The following XXYLT1 variants were observed in gnomAD, a reference collection of about 807,000 sequenced individuals.
XXYLT1 encodes xyloside xylosyltransferase 1, also known as UDP-xylose:alpha-xyloside alpha-1,3-xylosyltransferase.
A neutral mutation model predicts 28.9 loss-of-function variants in XXYLT1; 20 were observed. That is an observed-to-expected ratio of 0.69 (90% CI 0.49 to 1.00). XXYLT1 has a LOEUF of 1.00. XXYLT1 is among the 50% of genes least tolerant of loss of function. The pLI, the probability that XXYLT1 is intolerant of heterozygous loss-of-function variation, is 0.00. For synonymous variants in XXYLT1, 257 were observed against 253.8 expected (o/e 1.01, Z -0.12); for missense variants, 542 against 560.1 (o/e 0.97, Z 0.33).
At chr3:195,110,340 TGTGTGGTGTGTG>T (rs1356142422) in intron 3 of XXYLT1, among the ~76,000 whole-genome samples, 1 of 12,506 alleles carries the variant, frequency 8.0e-5, no homozygotes, top group African/African-American at 2.5e-4. Flanking sequence ...TGTGTGTATG[TGTGTGGTGTGTG>T]GTGTATGTGC....
intron 3 of XXYLT1, among the ~76,000 whole-genome samples, chr3:195,139,863 T>A (rs543656907): frequency 6.6e-6 from 1 of 152,208 alleles, no homozygotes; most frequent in Non-Finnish European, 1.5e-5. Context: ...ACAGTCCCTA[T>A]GGACTTCTCC....
Position 195,110,348 on chromosome 3 carries a change from G to C in XXYLT1, c.786-40237C>G, listed in dbSNP as rs111064807. 2.8e-3 allele frequency among the ~76,000 whole-genome samples: 88 copies of C among 30,924 alleles called. 1 individual carries two copies. Among genetic ancestry groups the C allele is most frequent in the Non-Finnish European group, 3.3e-3 (42 of 12,822 alleles). The allele number at this position is 30,924 out of a possible 152,430, so 20.3% of individuals were successfully genotyped here. A position where few individuals can be genotyped will look rare whatever the true frequency, so the allele number is the denominator to read the frequency against. On this transcript the variant is annotated intron_variant, in intron 3 of 3. Transcript: ENST00000310380. ...GGTGAGGTGTGTGTATGTGTGTGGT[G>C]TGTGGTGTATGTGCGTGCGTGTGTG...
chr3:195,102,794 G>A (rs1269584523), intron 3 of XXYLT1, among the ~76,000 whole-genome samples: 3 of 152,180 alleles, frequency 2.0e-5, no homozygotes, highest in Admixed American at 1.3e-4. Context: ...TTATCTTTAC[G>A]AGGTAGTGAT....
At chr3:195,072,858 G>A (rs147577047) in intron 3 of XXYLT1, among the ~76,000 whole-genome samples, 7 of 152,318 alleles carry the variant, frequency 4.6e-5, no homozygotes, top group South Asian at 2.1e-4. Context: ...GCTGGTTCTC[G>A]TAGAGGAATC....
chr3:195,224,319 A>G (rs1473157975), intron 2 of XXYLT1, among the ~76,000 whole-genome samples: 1 of 152,208 alleles, frequency 6.6e-6, no homozygotes, highest in African/African-American at 2.4e-5. Flanking sequence ...GAGGGACACC[A>G]ATGATGCGTC....
At chr3:195,160,160 T>C (rs566546504) in intron 2 of XXYLT1, among the ~76,000 whole-genome samples, 5 of 152,058 alleles carry the variant, frequency 3.3e-5, no homozygotes, top group Admixed American at 3.3e-4. Flanking sequence ...CAGAAACAAT[T>C]CTTAGCAGAC....
chr3:195,218,995 A>G (rs1723700131), intron 2 of XXYLT1, among the ~76,000 whole-genome samples: 1 of 151,994 alleles, frequency 6.6e-6, no homozygotes, highest in African/African-American at 2.4e-5. Context: ...ATAAAAAATG[A>G]TGAGTTAATG....
chr3:195,099,823 T>C (rs1716670123), intron 3 of XXYLT1, among the ~76,000 whole-genome samples: 1 of 97,678 alleles, frequency 1.0e-5, no homozygotes, highest in Non-Finnish European at 2.0e-5. Flanking sequence ...ACAGCGAGAC[T>C]CTGTCTCAAA....
intron 3 of XXYLT1, among the ~76,000 whole-genome samples, chr3:195,113,435 T>C (rs542378584): frequency 6.6e-6 from 1 of 152,166 alleles, no homozygotes; most frequent in South Asian, 2.1e-4. Flanking sequence ...TCTCAGAACA[T>C]CCCTGATTAG....
rs779402640 is a variant in XXYLT1, at chr3:195,270,576, G to A, written c.483C>T (p.Pro161=). The change falls in exon 1 of 4, where the codon CCC becomes CCT. Residue 161 remains proline (P), a synonymous_variant. Coordinates refer to ENST00000310380, the MANE Select transcript of XXYLT1 (RefSeq NM_152531.5). ...AKGLLRELLP[P]AAGFKCKVIF... ...TCACCTTGCACTTGAAGCCAGCGGC[G>A]GGCGGCAGGAGCTCCCGCAGCAGGC... 2 of 1,384,330 alleles carry A rather than the reference G, an allele frequency of 1.4e-6. No homozygotes were observed. The highest frequency in any genetic ancestry group is 1.9e-6 in the Non-Finnish European group (2 of 1,071,546). 85.8% of individuals were successfully genotyped at this position (1,384,330 alleles called of 1,614,324 possible).
At chr3:195,139,793 G>A (rs1284604370) in intron 3 of XXYLT1, among the ~76,000 whole-genome samples, 2 of 152,326 alleles carry the variant, frequency 1.3e-5, no homozygotes, top group East Asian at 1.9e-4. Flanking sequence ...ATGGGAGCCT[G>A]CGTTTCCATT....
At chr3:195,162,901 C>A (rs1406799551) in intron 2 of XXYLT1, among the ~76,000 whole-genome samples, 1 of 152,226 alleles carries the variant, frequency 6.6e-6, no homozygotes, top group Non-Finnish European at 1.5e-5. Context: ...AATTTGAGAT[C>A]TGAAAATCTT....
At chr3:195,145,160 C>A (rs1322743039) in intron 3 of XXYLT1, among the ~76,000 whole-genome samples, 1 of 152,220 alleles carries the variant, frequency 6.6e-6, no homozygotes, top group Non-Finnish European at 1.5e-5. Context: ...ATGGTCCTAG[C>A]AGCAAAGGAA....
At chr3:195,101,925 A>G (rs920223193) in intron 3 of XXYLT1, among the ~76,000 whole-genome samples, 1 of 123,974 alleles carries the variant, frequency 8.1e-6, no homozygotes, top group Non-Finnish European at 1.7e-5. Context: ...GAAAGGAGAA[A>G]TGTAAGGAGG....
chr3:195,118,270 A>C (rs1277300874), intron 3 of XXYLT1, among the ~76,000 whole-genome samples: 1 of 152,256 alleles, frequency 6.6e-6, no homozygotes, highest in Admixed American at 6.5e-5. Context: ...CCAAGGAACA[A>C]GTCAGCACTA....
chr3:195,162,384 G>T (rs534464448), intron 2 of XXYLT1, among the ~76,000 whole-genome samples: 1 of 152,198 alleles, frequency 6.6e-6, no homozygotes, highest in Non-Finnish European at 1.5e-5. Flanking sequence ...GGATGGTCGG[G>T]GGGAGAAAGG....
chr3:195,117,273 A>G (rs1718096720), intron 3 of XXYLT1, among the ~76,000 whole-genome samples: 1 of 152,198 alleles, frequency 6.6e-6, no homozygotes, highest in African/African-American at 2.4e-5. Flanking sequence ...ATTATTTATA[A>G]GTGAAAAAAC....
chr3:195,100,756 C>T (rs981571945), intron 3 of XXYLT1, among the ~76,000 whole-genome samples: 1 of 152,216 alleles, frequency 6.6e-6, no homozygotes, highest in Non-Finnish European at 1.5e-5. Flanking sequence ...GCTCCCTCCT[C>T]GCCCCCAAGC....
At chr3:195,179,362 A>G (rs1721833416) in intron 2 of XXYLT1, among the ~76,000 whole-genome samples, 1 of 151,816 alleles carries the variant, frequency 6.6e-6, no homozygotes, top group Non-Finnish European at 1.5e-5. Context: ...GAAAAAAAAA[A>G]AAAGAACTCA....
Sources: gnomAD v4.1 joint callset for allele counts (sites outside exome capture counted in the v4.1 genomes callset) on GRCh38, gnomAD v4.1.1 for gene constraint, MANE v1.5 for transcripts, NCBI Gene and HGNC (gene_info 2026-07-23, HGNC 2026-07-21) for gene names.